Variants in CYFIP1 observed in about 807,000 individuals in gnomAD.
The protein encoded by CYFIP1 is cytoplasmic FMR1-interacting protein 1.
CYFIP1 carries 58 observed loss-of-function variants against 163.5 expected under a neutral mutation model. That is an observed-to-expected ratio of 0.35 (90% CI 0.29 to 0.44). CYFIP1 has a LOEUF of 0.44. CYFIP1 is among the 20% of genes least tolerant of loss of function. CYFIP1 has a pLI of 1.00. For synonymous variants in CYFIP1, 663 were observed against 660.7 expected (o/e 1.00, Z -0.05); for missense variants, 1,338 against 1,653.8 (o/e 0.81, Z 3.31).
rs536475660 is a variant in CYFIP1 at position 22,898,401 on chromosome 15, A to G, written c.2588+5305T>C. Among the ~76,000 whole-genome samples the G allele has an allele frequency of 4.3e-4, 66 of 152,144 alleles. 3 individuals are homozygous for G. In the South Asian group the frequency reaches 9.3e-3, roughly 22 times the overall value. On this transcript the variant is annotated intron_variant, in intron 22 of 30. Coordinates refer to ENST00000617928, the MANE Select transcript of CYFIP1 (RefSeq NM_014608.6). The stretch of plus-strand genomic sequence containing the variant: ...GCCTCCTGAGTAGCTGGGACTACAG[A>G]TGTGTGCCACCATGCTCGGCTAATG...
At chr15:22,912,380 G>A (rs1029304293) in intron 17 of CYFIP1, 105 bp from the exon 18 acceptor site, 13 of 838,420 alleles carry the variant, frequency 1.6e-5, no homozygotes, top group African/African-American at 1.8e-5. Context: ...CACCTCTCAC[G>A]TAAGGAAAAA....
rs568157172 is a variant in CYFIP1, at chr15:22,881,330, A to C, written c.2911+516T>G. On this transcript the variant is annotated intron_variant, in intron 25 of 30. Coordinates refer to ENST00000617928, the MANE Select transcript of CYFIP1 (RefSeq NM_014608.6). Reference sequence around the variant, plus strand: ...GTTACGTGACAAAGGTCCCTGTCATACAATTTTATGAGACAATGCTTTCTG... The same window carrying C: ...GTTACGTGACAAAGGTCCCTGTCATCCAATTTTATGAGACAATGCTTTCTG... Among the ~76,000 whole-genome samples the C allele has an allele frequency of 2.0e-5, 3 of 152,346 alleles. No individual in the cohort carries two copies. In the East Asian group the frequency reaches 5.8e-4, roughly 29 times the overall value.
intron 1 of CYFIP1, among the ~76,000 whole-genome samples, chr15:22,949,919 A>G (rs1595687084): frequency 6.6e-6 from 1 of 152,088 alleles, no homozygotes; most frequent in Admixed American, 6.6e-5. Context: ...ACTTGAGTCC[A>G]GGAGTTCAAG....
chr15:22,948,323 G>T (rs933598362), intron 1 of CYFIP1, among the ~76,000 whole-genome samples: 1 of 152,132 alleles, frequency 6.6e-6, no homozygotes, highest in African/African-American at 2.4e-5. Context: ...CAAACCCTGA[G>T]ACCACAGCCA....
intron 30 of CYFIP1, 137 bp from the exon 31 acceptor site, chr15:22,870,329 G>GTTTTT: frequency 1.2e-6 from 1 of 833,162 alleles, no homozygotes; most frequent in Non-Finnish European, 1.8e-6. Context: ...TTCTTTTTGG[G>GTTTTT]TTTTTTTTTG....
rs983829094 is a variant in CYFIP1, at chr15:22,868,456, T to C, written c.*1572A>G. On this transcript the variant is annotated 3_prime_UTR_variant, in exon 31 of 31. Transcript: ENST00000617928. The stretch of plus-strand genomic sequence containing the variant: ...GGTATATAATTAAGCCTTATAAAAC[T>C]TGGTAATTGATTAAGTTTTACCATA... The C allele has an allele frequency of 6.6e-6, 1 of 151,186 alleles. No individual in the cohort carries two copies. The highest frequency in any genetic ancestry group is 2.5e-5 in the African/African-American group (1 of 40,434). 9.4% of individuals were successfully genotyped at this position (151,186 alleles called of 1,614,324 possible).
chr15:22,884,862 C>A (rs1299082665), intron 23 of CYFIP1, among the ~76,000 whole-genome samples: 1 of 151,872 alleles, frequency 6.6e-6, no homozygotes, highest in East Asian at 1.9e-4. Flanking sequence ...AGGCTTGGGG[C>A]TTGCACCCTC....
Position 22,882,923 on chromosome 15 carries a change from C to T in CYFIP1, c.2765G>A (p.Gly922Asp). ...PHFQVICRLL[G>D]YQGIAVVMEE... ...CATGACCACGGCGATACCCTGGTAG[C>T]CGAGAAGCCGGCAGATGACTTGAAA... Residue 922 changes from glycine to aspartate, a missense_variant, in exon 24 of 31, where the codon GGC becomes GAC. Physicochemically the swap from Gly to Asp is moderately conservative, Grantham distance 94 (BLOSUM62 -1). Transcript: ENST00000617928. The T allele has an allele frequency of 6.2e-7, 1 of 1,614,090 alleles. No homozygotes were observed. The highest frequency in any genetic ancestry group is 8.5e-7 in the Non-Finnish European group (1 of 1,179,970).
chr15:22,944,851 G>A lies in CYFIP1; in HGVS notation c.285+11C>T, dbSNP rs766592753. On this transcript the variant is annotated intron_variant, in intron 4 of 30. Transcript: ENST00000617928. ...TGTGGCTGGAGGGGAAGAGCCAGGCGAGCGTGGCACCTGTGGGATGGCCCG... is the reference window on the plus strand; with the variant it reads ...TGTGGCTGGAGGGGAAGAGCCAGGCAAGCGTGGCACCTGTGGGATGGCCCG... 39 of 1,612,476 alleles carry A rather than the reference G, an allele frequency of 2.4e-5. No individual in the cohort carries two copies. The highest frequency in any genetic ancestry group is 6.7e-5 in the East Asian group (3 of 44,882).
chr15:22,910,450 G>T, intron 20 of CYFIP1, 70 bp downstream of exon 20: 3 of 1,318,816 alleles, frequency 2.3e-6, no homozygotes, highest in Non-Finnish European at 2.2e-6. Flanking sequence ...GTGAGCCACC[G>T]CACCCAGCCG....
chr15:22,918,392 T>G (rs1178205108), intron 14 of CYFIP1, among the ~76,000 whole-genome samples: 3 of 152,148 alleles, frequency 2.0e-5, no homozygotes, highest in African/African-American at 7.2e-5. Context: ...GGCTCCACCG[T>G]GCAGAGACCC....
chr15:22,911,417 C>T (rs1381086873), intron 18 of CYFIP1, among the ~76,000 whole-genome samples: 1 of 152,178 alleles, frequency 6.6e-6, no homozygotes, highest in Admixed American at 6.5e-5. Context: ...TGGGTTCCTG[C>T]CCTGGGGCAG....
Position 22,916,644 on chromosome 15 carries a change from G to T in CYFIP1, c.1675-14C>A. On this transcript the variant is annotated splice_polypyrimidine_tract_variant and intron_variant, in intron 15 of 30. Transcript: ENST00000617928. ...CACCATGTAAAGCTGGATTATCCAAGGAAACATTTGTGGGGGAGAAAATAT... is the reference window on the plus strand; with the variant it reads ...CACCATGTAAAGCTGGATTATCCAATGAAACATTTGTGGGGGAGAAAATAT... 2 of 1,614,070 alleles carry T rather than the reference G, an allele frequency of 1.2e-6. No individual in the cohort carries two copies. Among genetic ancestry groups the T allele is most frequent in the Non-Finnish European group, 1.7e-6 (2 of 1,180,000 alleles).
At chr15:22,914,646 T>G (rs1222226286) in intron 17 of CYFIP1, 80 bp downstream of exon 17, 1 of 1,432,720 alleles carries the variant, frequency 7.0e-7, no homozygotes, top group Non-Finnish European at 9.4e-7. Flanking sequence ...CTAAAAACAG[T>G]CCCGGCCTCT....
chr15:22,895,442 C>A (rs946661177), intron 22 of CYFIP1, among the ~76,000 whole-genome samples: 7 of 152,198 alleles, frequency 4.6e-5, no homozygotes, highest in African/African-American at 1.7e-4. Context: ...TGAGCCACTA[C>A]GCTCGGCCTC....
chr15:22,933,439 C>T (rs1400945736), intron 10 of CYFIP1, among the ~76,000 whole-genome samples: 4 of 151,660 alleles, frequency 2.6e-5, no homozygotes, highest in African/African-American at 7.3e-5. Flanking sequence ...CTCAGCCTCC[C>T]AAGTAGCTGG....
intron 26 of CYFIP1, 175 bp from the exon 27 acceptor site, chr15:22,875,446 TC>T (rs2059555449): frequency 1.6e-6 from 1 of 642,378 alleles, no homozygotes; most frequent in Admixed American, 2.5e-5. Flanking sequence ...TCCTGTCCAT[TC>T]CGGCAGCCGC....
chr15:22,965,133 A>C (rs1208978235), intron 1 of CYFIP1, among the ~76,000 whole-genome samples: 2 of 152,126 alleles, frequency 1.3e-5, no homozygotes, highest in African/African-American at 4.8e-5. Context: ...TTTTACGTAA[A>C]AATACTCTAA....
intron 18 of CYFIP1, among the ~76,000 whole-genome samples, chr15:22,911,744 T>C (rs936335166): frequency 6.6e-6 from 1 of 152,064 alleles, no homozygotes; most frequent in Non-Finnish European, 1.5e-5. Context: ...AGATGATGTG[T>C]AGAATAAGGT....
Sources: allele counts gnomAD v4.1 joint callset (sites outside exome capture counted in the v4.1 genomes callset), GRCh38; gene constraint gnomAD v4.1.1; transcripts MANE v1.5; gene names NCBI Gene and HGNC (gene_info 2026-07-23, HGNC 2026-07-21).